The following MYO9A variants were observed in gnomAD, a reference collection of about 807,000 sequenced individuals.
MYO9A encodes the protein unconventional myosin-IXa.
In MYO9A, 103 loss-of-function variants were observed where a neutral mutation model predicts 293.3. The ratio of observed to expected loss-of-function variants is 0.35; its 90% CI spans 0.30 to 0.41. The LOEUF is 0.41. Ranked by LOEUF, MYO9A falls within the 10% of genes least tolerant of loss-of-function variation. MYO9A has a pLI of 1.00. For synonymous variants in MYO9A, 1,001 were observed against 1,035.7 expected (o/e 0.97, Z 0.64); for missense variants, 2,685 against 3,033.0 (o/e 0.89, Z 2.69).
intron 1 of MYO9A, among the ~76,000 whole-genome samples, chr15:72,092,229 C>G (rs1176676193): frequency 4.6e-5 from 7 of 152,072 alleles, no homozygotes; most frequent in Admixed American, 4.6e-4. Context: ...ATAAGACACC[C>G]CTATACCATA....
At chr15:72,069,593 CCA>C (rs1241593120) in intron 1 of MYO9A, among the ~76,000 whole-genome samples, 1 of 152,054 alleles carries the variant, frequency 6.6e-6, no homozygotes, top group East Asian at 1.9e-4. Flanking sequence ...TTGTGACAAA[CCA>C]CTTATCAGGT....
intron 35 of MYO9A, among the ~76,000 whole-genome samples, chr15:71,853,118 A>AATGAATGAATGT: frequency 6.6e-6 from 1 of 152,294 alleles, no homozygotes. Context: ...TGAATGAATG[A>AATGAATGAATGT]ATGTTTTCGT....
intron 25 of MYO9A, among the ~76,000 whole-genome samples, chr15:71,895,928 ATAAT>A (rs1393667095): frequency 6.9e-6 from 1 of 145,638 alleles, no homozygotes; most frequent in Non-Finnish European, 1.5e-5. Flanking sequence ...CATAAATGTC[ATAAT>A]TAATAGACAT....
At chr15:72,028,404 T>C (rs1239261406) in intron 3 of MYO9A, among the ~76,000 whole-genome samples, 2 of 151,168 alleles carry the variant, frequency 1.3e-5, no homozygotes, top group Admixed American at 6.6e-5. Context: ...TCCCAGCACT[T>C]TGGGAGGCCG....
intron 1 of MYO9A, among the ~76,000 whole-genome samples, chr15:72,087,823 T>C (rs1172342547): frequency 6.6e-6 from 1 of 152,230 alleles, no homozygotes; most frequent in Non-Finnish European, 1.5e-5. Context: ...TTCTATTCTT[T>C]TCTGCTGTTT....
At chr15:71,952,821 T>A (rs2059083052) in intron 14 of MYO9A, among the ~76,000 whole-genome samples, 1 of 152,216 alleles carries the variant, frequency 6.6e-6, no homozygotes, top group Non-Finnish European at 1.5e-5. Context: ...TAATTAGGAA[T>A]GAGATACAAC....
chr15:71,826,344 T>A lies in MYO9A; in HGVS notation c.*236A>T, dbSNP rs1048367321. ...TCCCCAGGCCCTAGGTGGCTTTGTA[T>A]AGTAAAAATCTCAATTCAAATACAA... On this transcript the variant is annotated 3_prime_UTR_variant, in exon 42 of 42. Coordinates refer to ENST00000356056, the MANE Select transcript of MYO9A (RefSeq NM_006901.4). 2 of 488,348 alleles carry A rather than the reference T, an allele frequency of 4.1e-6. No individual in the cohort carries two copies. Among genetic ancestry groups the A allele is most frequent in the African/African-American group, 2.0e-5 (1 of 51,026 alleles). 30.3% of individuals were successfully genotyped at this position (488,348 alleles called of 1,614,324 possible).
chr15:72,055,799 AT>A (rs1188120395), intron 1 of MYO9A, among the ~76,000 whole-genome samples: 7 of 152,204 alleles, frequency 4.6e-5, no homozygotes, highest in Admixed American at 4.6e-4. Flanking sequence ...CATAAAAAAA[AT>A]CAAAAAAATA....
chr15:71,855,064 T>C (rs190849850), intron 34 of MYO9A, among the ~76,000 whole-genome samples: 48 of 152,348 alleles, frequency 3.2e-4, no homozygotes, highest in African/African-American at 1.2e-3. Flanking sequence ...GATCAGCCCA[T>C]GACTACTGTT....
intron 18 of MYO9A, among the ~76,000 whole-genome samples, chr15:71,917,478 C>T (rs2058041811): frequency 6.6e-6 from 1 of 151,872 alleles, no homozygotes; most frequent in East Asian, 1.9e-4. Flanking sequence ...GAGGCTGCAG[C>T]GAGCCAAGAT....
intron 1 of MYO9A, among the ~76,000 whole-genome samples, chr15:72,067,322 T>G (rs2079051445): frequency 6.6e-6 from 1 of 152,058 alleles, no homozygotes; most frequent in Admixed American, 6.6e-5. Flanking sequence ...TCATTTTATT[T>G]TATTTTTGAG....
intron 1 of MYO9A, among the ~76,000 whole-genome samples, chr15:72,073,085 C>A (rs1245095400): frequency 2.0e-5 from 3 of 152,160 alleles, no homozygotes; most frequent in Admixed American, 2.0e-4. Context: ...CTTACTGAAT[C>A]ATCCTCTAAT....
At position 71,898,145 on chromosome 15, in the gene MYO9A, T is replaced by TC. The variant is rs746820658; in HGVS notation, c.4357dup (p.Glu1453GlyfsTer12). The TC allele has an allele frequency of 5.6e-6, 9 of 1,614,018 alleles. No homozygotes were observed. The highest frequency in any genetic ancestry group is 1.7e-5 in the Admixed American group (1 of 59,966). ...CCTGTTGATATCCAAAGTAAGAGCTTCCCCCGCTGTGTCTTCATTTTCCAA... is the reference window on the plus strand; with the variant it reads ...CCTGTTGATATCCAAAGTAAGAGCTTCCCCCCGCTGTGTCTTCATTTTCCAA... On this transcript the variant is annotated frameshift_variant, in exon 25 of 42. Transcript: ENST00000356056. LOFTEE classifies it high-confidence loss of function.
At chr15:72,020,595 G>T (rs1566955670) in intron 5 of MYO9A, among the ~76,000 whole-genome samples, 1 of 152,022 alleles carries the variant, frequency 6.6e-6, no homozygotes, top group African/African-American at 2.4e-5. Flanking sequence ...AATATCCTGG[G>T]GGTTGTAAAA....
intron 32 of MYO9A, among the ~76,000 whole-genome samples, chr15:71,866,421 T>G (rs1461107082): frequency 1.3e-5 from 2 of 152,108 alleles, no homozygotes; most frequent in Non-Finnish European, 1.5e-5. Context: ...TCTGAGCTAC[T>G]AGGGAGGGTA....
chr15:72,082,095 G>C (rs1432373148), intron 1 of MYO9A, among the ~76,000 whole-genome samples: 2 of 152,092 alleles, frequency 1.3e-5, no homozygotes. Flanking sequence ...GATAGGAATA[G>C]CACTGAATCG....
intron 1 of MYO9A, among the ~76,000 whole-genome samples, chr15:72,091,426 C>T (rs2079905066): frequency 1.3e-5 from 2 of 151,778 alleles, no homozygotes; most frequent in African/African-American, 4.8e-5. Flanking sequence ...GAGACATTTC[C>T]ACATGGCTAA....
At chr15:71,952,187 A>T (rs1330045240) in intron 14 of MYO9A, among the ~76,000 whole-genome samples, 3 of 151,898 alleles carry the variant, frequency 2.0e-5, no homozygotes, top group African/African-American at 4.9e-5. Context: ...CAAAAATTCA[A>T]AAGCAATTTG....
chr15:71,968,100 A>C lies in MYO9A; in HGVS notation c.1870T>G (p.Leu624Val). ...SNFPQATNQT[L>V]LDKFKHQHED... ...TGTTGATGCTTAAACTTGTCTAGCA[A>C]TGTTTGATTTGTAGCCTGTGGAAAG... is the stretch of plus-strand genomic sequence containing the variant. The change falls in exon 13 of 42, where the codon TTG becomes GTG. Residue 624 changes from leucine (L) to valine (V), a missense_variant. By Grantham distance (32) the Leu-to-Val change is conservative. Transcript: ENST00000356056. The C allele has an allele frequency of 6.2e-7, 1 of 1,602,756 alleles. No homozygotes were observed. The highest frequency in any genetic ancestry group is 8.5e-7 in the Non-Finnish European group (1 of 1,174,734).
Sources: allele counts gnomAD v4.1 joint callset (sites outside exome capture counted in the v4.1 genomes callset), GRCh38; gene constraint gnomAD v4.1.1; transcripts MANE v1.5; gene names NCBI Gene and HGNC (gene_info 2026-07-23, HGNC 2026-07-21).